The following TOX2 variants were observed in gnomAD, a reference collection of about 807,000 sequenced individuals.
TOX2 encodes TOX high mobility group box family member 2.
In TOX2, 15 loss-of-function variants were observed where a neutral mutation model predicts 47.4. The ratio of observed to expected loss-of-function variants is 0.32; its 90% CI spans 0.21 to 0.49. TOX2 has a LOEUF of 0.49. TOX2 is among the 20% of genes least tolerant of loss of function. The pLI is 0.99. For missense variants in TOX2, 622 were observed against 673.1 expected, an observed-to-expected ratio of 0.92 and a Z score of 0.84; for synonymous variants, 290 against 296.6, an observed-to-expected ratio of 0.98 and a Z score of 0.23.
At chr20:44,044,700 C>T (rs1443382489) in intron 3 of TOX2, among the ~76,000 whole-genome samples, 1 of 152,130 alleles carries the variant, frequency 6.6e-6, no homozygotes, top group South Asian at 2.1e-4. Context: ...GATATAGCCA[C>T]TGTGGAAAAC....
Position 44,054,420 on chromosome 20 carries a change from G to C in TOX2, c.773G>C (p.Arg258Thr). ...KPVSAYALFF[R>T]DTQAAIKGQN... ...GTGTCGGCCTACGCACTCTTCTTCA[G>C]AGACACTCAGGCCGCCATCAAGGGT... Residue 258 changes from arginine to threonine, a missense_variant, in exon 5 of 9, where the codon AGA (arginine) becomes ACA (threonine). By Grantham distance (71) the Arg-to-Thr change is moderately conservative. Transcript: ENST00000341197. The C allele has an allele frequency of 6.2e-7, 1 of 1,613,168 alleles. No individual in the cohort carries two copies. The highest frequency in any genetic ancestry group is 8.5e-7 in the Non-Finnish European group (1 of 1,179,582).
chr20:43,957,482 C>G (rs1319319669), intron 1 of TOX2, among the ~76,000 whole-genome samples: 1 of 151,668 alleles, frequency 6.6e-6, no homozygotes, highest in Non-Finnish European at 1.5e-5. Context: ...TGGATGATAT[C>G]TTCCTCCTAG....
intron 1 of TOX2, chr20:43,946,039 G>T (rs201159006): frequency 6.2e-7 from 1 of 1,613,762 alleles, no homozygotes; most frequent in Non-Finnish European, 8.5e-7. Flanking sequence ...TCCGCAGAAG[G>T]TAAGCAGCGG....
intron 1 of TOX2, among the ~76,000 whole-genome samples, chr20:43,923,874 G>C (rs150090368): frequency 6.6e-6 from 1 of 152,228 alleles, no homozygotes; most frequent in Non-Finnish European, 1.5e-5. Flanking sequence ...AGCTGGCCTG[G>C]CCTGACCTGT....
At chr20:43,968,378 G>A (rs1036038653) in intron 1 of TOX2, among the ~76,000 whole-genome samples, 1 of 152,234 alleles carries the variant, frequency 6.6e-6, no homozygotes, top group Non-Finnish European at 1.5e-5. Flanking sequence ...GACTGTCTAA[G>A]ATCAGGGCTC....
At chr20:44,000,772 A>C (rs6103554) in intron 2 of TOX2, among the ~76,000 whole-genome samples, 5,172 of 152,164 alleles carry the variant, frequency 0.034, 243 homozygotes, top group African/African-American at 0.11. Context: ...ATGGCCTGTG[A>C]TGTTGGCCAT....
At chr20:44,011,419 A>G (rs552072073) in intron 3 of TOX2, among the ~76,000 whole-genome samples, 1 of 152,262 alleles carries the variant, frequency 6.6e-6, no homozygotes, top group Non-Finnish European at 1.5e-5. Flanking sequence ...AAATTCTCTA[A>G]TAGCATCAGT....
intron 2 of TOX2, among the ~76,000 whole-genome samples, chr20:43,980,025 G>C (rs187013297): frequency 6.6e-6 from 1 of 152,212 alleles, no homozygotes; most frequent in East Asian, 1.9e-4. Flanking sequence ...CCAACTGCTG[G>C]GTATATACCC....
At chr20:43,931,850 C>G (rs917433194) in intron 1 of TOX2, among the ~76,000 whole-genome samples, 1 of 152,120 alleles carries the variant, frequency 6.6e-6, no homozygotes, top group African/African-American at 2.4e-5. Flanking sequence ...GAAAATAAAA[C>G]AAAATTTAGT....
At chr20:43,974,327 G>A (rs1389400423) in intron 2 of TOX2, among the ~76,000 whole-genome samples, 1 of 151,172 alleles carries the variant, frequency 6.6e-6, no homozygotes, top group Non-Finnish European at 1.5e-5. Flanking sequence ...CACTGCAGGC[G>A]GGGGCCCCAG....
chr20:43,997,586 G>A (rs2070501805), intron 2 of TOX2, among the ~76,000 whole-genome samples: 1 of 151,250 alleles, frequency 6.6e-6, no homozygotes, highest in Non-Finnish European at 1.5e-5. Flanking sequence ...TATTTTATTA[G>A]CCTTTTCAAA....
intron 2 of TOX2, among the ~76,000 whole-genome samples, chr20:43,981,838 A>G (rs1276257819): frequency 6.6e-6 from 1 of 152,222 alleles, no homozygotes; most frequent in East Asian, 1.9e-4. Flanking sequence ...AGGACATGTA[A>G]ACAGTAAATA....
intron 1 of TOX2, among the ~76,000 whole-genome samples, chr20:43,937,480 A>C (rs11905261): frequency 0.14 from 20,868 of 151,972 alleles, 1,730 homozygotes; most frequent in East Asian, 0.31. Context: ...GGAGGAAGCA[A>C]GGAAGGGGTC....
At chr20:43,941,661 G>A (rs1299913178) in intron 1 of TOX2, among the ~76,000 whole-genome samples, 1 of 152,148 alleles carries the variant, frequency 6.6e-6, no homozygotes, top group Non-Finnish European at 1.5e-5. Flanking sequence ...ATTTGCGTAA[G>A]CTCACACCCT....
At chr20:43,960,873 G>C (rs2069746790) in intron 1 of TOX2, among the ~76,000 whole-genome samples, 1 of 152,208 alleles carries the variant, frequency 6.6e-6, no homozygotes, top group African/African-American at 2.4e-5. Flanking sequence ...TAAAACTTAA[G>C]ACTGATGGAA....
chr20:44,038,823 GC>G (rs2071282534), intron 3 of TOX2, among the ~76,000 whole-genome samples: 1 of 152,166 alleles, frequency 6.6e-6, no homozygotes, highest in Non-Finnish European at 1.5e-5. Flanking sequence ...AGCACACGGG[GC>G]TGCTCTCCAT....
At chr20:43,952,999 G>A (rs1383060556) in intron 1 of TOX2, among the ~76,000 whole-genome samples, 1 of 152,124 alleles carries the variant, frequency 6.6e-6, no homozygotes, top group Non-Finnish European at 1.5e-5. Flanking sequence ...AAGTGAGGAG[G>A]GGTTGCAGAA....
intron 2 of TOX2, among the ~76,000 whole-genome samples, chr20:43,986,578 G>A (rs1321050151): frequency 6.6e-6 from 1 of 151,800 alleles, no homozygotes; most frequent in Non-Finnish European, 1.5e-5. Flanking sequence ...CACTGTGCCC[G>A]GCTTTAAAAT....
At chr20:43,999,941 G>T (rs1037669623) in intron 2 of TOX2, among the ~76,000 whole-genome samples, 27 of 152,212 alleles carry the variant, frequency 1.8e-4, no homozygotes, top group Admixed American at 1.6e-3. Context: ...TTATATAGGG[G>T]TGTCAAGACC....
Sources: gnomAD v4.1 joint callset for allele counts (sites outside exome capture counted in the v4.1 genomes callset) on GRCh38, gnomAD v4.1.1 for gene constraint, MANE v1.5 for transcripts, NCBI Gene and HGNC (gene_info 2026-07-23, HGNC 2026-07-21) for gene names.